SCFD2: variants seen among roughly 807,000 people sequenced by gnomAD.
SCFD2 encodes the protein sec1 family domain-containing protein 2.
Under a neutral mutation model 58.9 loss-of-function variants are expected in SCFD2, and 54 were observed. That is an observed-to-expected ratio of 0.92 (90% CI 0.74 to 1.15). SCFD2 has a LOEUF of 1.15. Among genes scored for constraint, SCFD2 ranks in the 50% most tolerant of loss-of-function variants. The probability of loss-of-function intolerance (pLI) is 0.00; values close to 1 mark genes in which losing one functional copy is unlikely to be tolerated. For synonymous variants in SCFD2, 321 were observed against 335.9 expected, an observed-to-expected ratio of 0.96 and a Z score of 0.49; for missense variants, 805 against 836.6, an observed-to-expected ratio of 0.96 and a Z score of 0.47.
At chr4:53,150,665 G>A (rs1726477717) in intron 4 of SCFD2, among the ~76,000 whole-genome samples, 1 of 152,180 alleles carries the variant, frequency 6.6e-6, no homozygotes, top group African/African-American at 2.4e-5. Flanking sequence ...CTAGCTGTAT[G>A]ACCTTGGGCA....
At position 53,365,775 on chromosome 4, in the gene SCFD2, A is replaced by C. The variant is rs754168306; in HGVS notation, c.167T>G (p.Leu56Arg). The change falls in exon 1 of 9, where the codon CTG becomes CGG. Residue 56 changes from leucine to arginine, a missense_variant. Physicochemically the swap from Leu to Arg is moderately radical, Grantham distance 102. Coordinates refer to ENST00000401642, the MANE Select transcript of SCFD2 (RefSeq NM_152540.4). This position sits in a 1 kb window ranked among gnomAD's most constrained non-coding sequence, Gnocchi z 4.3. ...LEAVGGPDCH[L>R]REFEPDAIGG... ...AATTGCGTCGGGCTCGAACTCTCGC[A>C]GGTGACAGTCAGGACCCCCCACCGC... 3.1e-6 allele frequency: 5 copies of C among 1,613,732 alleles called. No individual in the cohort carries two copies. In the East Asian group the frequency reaches 1.1e-4, roughly 36 times the overall value.
intron 2 of SCFD2, among the ~76,000 whole-genome samples, chr4:53,339,730 A>G (rs1370107310): frequency 1.3e-5 from 2 of 152,132 alleles, no homozygotes; most frequent in Admixed American, 1.3e-4. Flanking sequence ...AGATTGCACC[A>G]CTGCACTCCA....
rs558039970 is a variant in SCFD2 at position 53,147,845 on chromosome 4, C to A, written c.1312-2263G>T. The stretch of plus-strand genomic sequence containing the variant: ...AAGTTTATGAATTCCTGTTGGGCTG[C>A]TGCATTCAAAGCCATCCTGGGCCAC... On this transcript the variant is annotated intron_variant, in intron 4 of 8. Coordinates refer to ENST00000401642, the MANE Select transcript of SCFD2 (RefSeq NM_152540.4). 3.3e-5 allele frequency among the ~76,000 whole-genome samples: 5 copies of A among 152,364 alleles called. No homozygotes were observed. The East Asian group carries it at 9.6e-4, about 29-fold the overall frequency.
intron 7 of SCFD2, among the ~76,000 whole-genome samples, chr4:52,887,472 T>C (rs528120151): frequency 6.6e-6 from 1 of 152,320 alleles, no homozygotes; most frequent in South Asian, 2.1e-4. Context: ...AAGGGATTCC[T>C]GAAGACAGTA....
At chr4:53,111,946 A>T (rs1174424229) in intron 5 of SCFD2, among the ~76,000 whole-genome samples, 1 of 152,094 alleles carries the variant, frequency 6.6e-6, no homozygotes, top group African/African-American at 2.4e-5. Context: ...TTCATTCTCA[A>T]GGAGGACTAT....
Position 52,944,468 on chromosome 4 carries a change from A to C in SCFD2, c.1562-23598T>G, listed in dbSNP as rs114011967. Among the ~76,000 whole-genome samples the C allele has an allele frequency of 4.2e-3, 634 of 152,348 alleles. 4 individuals carry two copies. Among genetic ancestry groups the C allele is most frequent in the African/African-American group, 0.014 (577 of 41,584 alleles). ...ACTAAAGGAAGAGACCATAAGACAG[A>C]AAAAGATAATAGCTAACTATATTAT... On this transcript the variant is annotated intron_variant, in intron 5 of 8. Coordinates refer to ENST00000401642, the MANE Select transcript of SCFD2 (RefSeq NM_152540.4).
At chr4:53,133,814 T>A (rs1216101006) in intron 5 of SCFD2, among the ~76,000 whole-genome samples, 1 of 152,206 alleles carries the variant, frequency 6.6e-6, no homozygotes, top group Non-Finnish European at 1.5e-5. Flanking sequence ...TAGTGGGGAA[T>A]GTAAGAGAAC....
At chr4:53,187,553 A>G (rs2148954678) in intron 4 of SCFD2, among the ~76,000 whole-genome samples, 1 of 152,306 alleles carries the variant, frequency 6.6e-6, no homozygotes, top group South Asian at 2.1e-4. Context: ...GACATAACCT[A>G]GTGATCTAAC....
At chr4:53,102,030 A>G (rs1299423457) in intron 5 of SCFD2, among the ~76,000 whole-genome samples, 1 of 152,192 alleles carries the variant, frequency 6.6e-6, no homozygotes, top group Non-Finnish European at 1.5e-5. Context: ...CTGTATAAGT[A>G]AAACGGTGTG....
rs188818736 is a variant in SCFD2 at position 53,364,989 on chromosome 4, T to C, written c.838+115A>G. The C allele has an allele frequency of 4.9e-5, 63 of 1,280,370 alleles. No homozygotes were observed. The East Asian group carries it at 1.4e-3, about 29-fold the overall frequency. The allele number at this position is 1,280,370 out of a possible 1,614,324, so 79.3% of individuals were successfully genotyped here. On this transcript the variant is annotated intron_variant, in intron 1 of 8. Coordinates refer to ENST00000401642, the MANE Select transcript of SCFD2 (RefSeq NM_152540.4). Reference sequence around the variant, plus strand: ...TTAGAGACCGTGTCCATCTAGTTCATCTTTGTATCCTCAATCTAATATATA... The same window carrying C: ...TTAGAGACCGTGTCCATCTAGTTCACCTTTGTATCCTCAATCTAATATATA...
chr4:53,365,128 C>G lies in SCFD2; in HGVS notation c.814G>C (p.Val272Leu), dbSNP rs758410785. 1 of 1,614,164 alleles carries G rather than the reference C, an allele frequency of 6.2e-7. No individual in the cohort carries two copies. Among genetic ancestry groups the G allele is most frequent in the Non-Finnish European group, 8.5e-7 (1 of 1,180,000 alleles). Residue 272 changes from valine to leucine, a missense_variant, in exon 1 of 9, where the codon GTG becomes CTG. By Grantham distance (32) the Val-to-Leu change is conservative (BLOSUM62 1). Around this residue, in one of 3 missense-constraint regions of SCFD2, gnomAD observed 633 missense variants for 646.8 expected, o/e 0.98. Transcript: ENST00000401642. The surrounding 1 kb of genome is among the most constrained non-coding windows in gnomAD (Gnocchi z 4.3). Reference sequence around the variant, plus strand: ...CCTGTGAGATCCAGGGTTCTGTCCACAAAAACCACTGATGCCCTGCCTGCA... The same window carrying G: ...CCTGTGAGATCCAGGGTTCTGTCCAGAAAAACCACTGATGCCCTGCCTGCA... ...TAAGRASVVF[V>L]DRTLDLTGAV...
chr4:53,355,762 G>A (rs1478288019), intron 1 of SCFD2, among the ~76,000 whole-genome samples: 1 of 152,010 alleles, frequency 6.6e-6, no homozygotes, highest in Non-Finnish European at 1.5e-5. Flanking sequence ...TAGCCAAACT[G>A]GGCTCCTAGT....
intron 3 of SCFD2, among the ~76,000 whole-genome samples, chr4:53,292,925 G>A (rs1441348480): frequency 6.6e-6 from 1 of 152,050 alleles, no homozygotes; most frequent in East Asian, 1.9e-4. Flanking sequence ...TGCATGTGGG[G>A]CTTAAAACCT....
intron 5 of SCFD2, among the ~76,000 whole-genome samples, chr4:53,083,154 T>C (rs1383227945): frequency 1.3e-5 from 2 of 152,086 alleles, no homozygotes; most frequent in Non-Finnish European, 2.9e-5. Context: ...TTGAGGTGCA[T>C]GCTAGAAAAA....
At chr4:53,183,759 C>T (rs1322291486) in intron 4 of SCFD2, among the ~76,000 whole-genome samples, 1 of 152,018 alleles carries the variant, frequency 6.6e-6, no homozygotes, top group East Asian at 1.9e-4. Context: ...ATCTTTCTTA[C>T]ATTTTGGCTA....
At chr4:53,062,957 A>G (rs1331826359) in intron 5 of SCFD2, among the ~76,000 whole-genome samples, 1 of 152,166 alleles carries the variant, frequency 6.6e-6, no homozygotes, top group Non-Finnish European at 1.5e-5. Flanking sequence ...CAAAAACACT[A>G]TTACAAATGT....
At chr4:53,048,340 A>T (rs531588497) in intron 5 of SCFD2, among the ~76,000 whole-genome samples, 4 of 152,134 alleles carry the variant, frequency 2.6e-5, no homozygotes, top group Non-Finnish European at 5.9e-5. Flanking sequence ...ACAGAGCAAG[A>T]CTCTGTCTCA....
intron 5 of SCFD2, among the ~76,000 whole-genome samples, chr4:53,058,486 G>T (rs750724526): frequency 2.6e-5 from 4 of 152,122 alleles, no homozygotes; most frequent in African/African-American, 4.8e-5. Context: ...CCATATAGCA[G>T]TGGGCTGGCT....
intron 4 of SCFD2, among the ~76,000 whole-genome samples, chr4:53,224,390 A>G (rs1401822194): frequency 6.7e-6 from 1 of 149,712 alleles, no homozygotes; most frequent in Admixed American, 6.6e-5. Context: ...CTCCGTCTCA[A>G]AAAAAAAAAA....
Sources: allele counts gnomAD v4.1 joint callset (sites outside exome capture counted in the v4.1 genomes callset), GRCh38; gene constraint gnomAD v4.1.1; regional missense constraint gnomAD v4.1.1; non-coding constraint Gnocchi (gnomAD v3.1); transcripts MANE v1.5; gene names NCBI Gene and HGNC (gene_info 2026-07-23, HGNC 2026-07-21).